The following IRAK3 variants were observed in gnomAD, a reference collection of about 807,000 sequenced individuals.
IRAK3 encodes interleukin 1 receptor associated kinase 3.
In IRAK3, 57 loss-of-function variants were observed where a neutral mutation model predicts 56.6. The observed-to-expected ratio is 1.01, with a 90% CI of 0.81 to 1.26. The LOEUF is 1.26. Among genes scored for constraint, IRAK3 ranks in the 50% most tolerant of loss-of-function variants. The probability of loss-of-function intolerance (pLI) is 0.00; values close to 1 mark genes in which losing one functional copy is unlikely to be tolerated. For synonymous variants in IRAK3, 258 were observed against 255.7 expected, an observed-to-expected ratio of 1.01 and a Z score of -0.09; for missense variants, 703 against 719.0, an observed-to-expected ratio of 0.98 and a Z score of 0.25.
In IRAK3 at chr12:66,250,424, A is replaced by G. The variant is rs1439345230; in HGVS notation, c.*2253A>G. The G allele has an allele frequency of 6.6e-6, 1 of 152,210 alleles. No homozygotes were observed. The highest frequency in any genetic ancestry group is 1.5e-5 in the Non-Finnish European group (1 of 68,038). The allele number at this position is 152,210 out of a possible 1,614,324, so 9.4% of individuals were successfully genotyped here. ...TAACAGACCAAGGTCAGAAACATGG[A>G]GTTACAATTTTCCAAAAAAGCACGA... is the stretch of plus-strand genomic sequence containing the variant. On this transcript the variant is annotated 3_prime_UTR_variant, in exon 12 of 12. Coordinates refer to ENST00000261233, the MANE Select transcript of IRAK3 (RefSeq NM_007199.3).
At chr12:66,217,041 C>T (rs1182459966) in intron 5 of IRAK3, 130 bp from the exon 6 acceptor site, 5 of 735,980 alleles carry the variant, frequency 6.8e-6, no homozygotes, top group Non-Finnish European at 1.2e-5. Flanking sequence ...AATGTCATCT[C>T]CCCAGAAAAG....
intron 8 of IRAK3, among the ~76,000 whole-genome samples, chr12:66,244,215 A>G (rs2053003095): frequency 6.6e-6 from 1 of 152,262 alleles, no homozygotes; most frequent in Admixed American, 6.5e-5. Flanking sequence ...AGAAAGCATC[A>G]GCTTTATCCA....
rs149662082 is a variant in IRAK3 at position 66,245,236 on chromosome 12, G to T, written c.1288G>T (p.Ala430Ser). 6.2e-7 allele frequency: 1 copy of T among 1,614,122 alleles called. No individual in the cohort carries two copies. The highest frequency in any genetic ancestry group is 1.3e-5 in the African/African-American group (1 of 75,012). The change falls in exon 11 of 12, where the codon GCA (alanine) becomes TCA (serine). Residue 430 changes from alanine (A) to serine (S), a missense_variant. Transcript: ENST00000261233. ...CLAGRCAATR[A>S]KLRPSMDEVL... ...GGCAGGCCGGTGTGCTGCAACGCGG[G>T]CAAAGTTAAGACCATCAATGGATGA...
chr12:66,228,261 G>A lies in IRAK3; in HGVS notation c.778G>A (p.Ala260Thr), dbSNP rs757275173. 19 of 1,613,580 alleles carry A rather than the reference G, an allele frequency of 1.2e-5. No individual in the cohort carries two copies. The Admixed American group carries it at 3.2e-4, about 27-fold the overall frequency. ...FDRLQCVGDT[A>T]PLPWHIRIGI... ...GCTGTTGTTGTTTTAGGGTGACACG[G>A]CCCCACTCCCTTGGCACATTCGAAT... is the stretch of plus-strand genomic sequence containing the variant. The change falls in exon 8 of 12, where the codon GCC becomes ACC. Residue 260 changes from alanine to threonine, a missense_variant. Ala to Thr is a moderately conservative substitution (Grantham distance 58, BLOSUM62 0). Coordinates refer to ENST00000261233, the MANE Select transcript of IRAK3 (RefSeq NM_007199.3).
chr12:66,194,166 C>T (rs2052426975), intron 1 of IRAK3, among the ~76,000 whole-genome samples: 1 of 152,160 alleles, frequency 6.6e-6, no homozygotes, highest in Non-Finnish European at 1.5e-5. Flanking sequence ...TTCAGCCTCC[C>T]AAAGTGCTGG....
chr12:66,246,408 C>T (rs1003898815), intron 11 of IRAK3, among the ~76,000 whole-genome samples: 1 of 152,094 alleles, frequency 6.6e-6, no homozygotes, highest in Non-Finnish European at 1.5e-5. Context: ...GGATTTTATC[C>T]TGAGTCTATC....
chr12:66,218,719 C>A (rs896007422), intron 6 of IRAK3, among the ~76,000 whole-genome samples: 1 of 152,096 alleles, frequency 6.6e-6, no homozygotes, highest in African/African-American at 2.4e-5. Context: ...CTAAAGATCA[C>A]CACAATCAAA....
chr12:66,229,276 T>C (rs1441150066), intron 8 of IRAK3, among the ~76,000 whole-genome samples: 3 of 152,220 alleles, frequency 2.0e-5, no homozygotes, highest in Admixed American at 2.0e-4. Flanking sequence ...CCCACATTTC[T>C]TCTTCTAGAC....
intron 8 of IRAK3, among the ~76,000 whole-genome samples, chr12:66,236,262 G>T (rs1377967035): frequency 6.6e-6 from 1 of 151,934 alleles, no homozygotes; most frequent in African/African-American, 2.4e-5. Flanking sequence ...AGAAATCTGG[G>T]TTCAGGCCGG....
chr12:66,211,214 G>C (rs2052608090), intron 4 of IRAK3, among the ~76,000 whole-genome samples: 1 of 152,190 alleles, frequency 6.6e-6, no homozygotes, highest in South Asian at 2.1e-4. Context: ...CTTTTGAGAG[G>C]AGGTAAAAAT....
At chr12:66,236,271 G>A (rs1483723990) in intron 8 of IRAK3, among the ~76,000 whole-genome samples, 1 of 151,914 alleles carries the variant, frequency 6.6e-6, no homozygotes, top group Non-Finnish European at 1.5e-5. Flanking sequence ...GGTTCAGGCC[G>A]GGTGAGGTGG....
intron 1 of IRAK3, among the ~76,000 whole-genome samples, chr12:66,193,368 A>G (rs1030811544): frequency 2.0e-5 from 3 of 152,184 alleles, no homozygotes; most frequent in Non-Finnish European, 2.9e-5. Context: ...AGCAGATAGT[A>G]GGAAGAGTTC....
intron 8 of IRAK3, among the ~76,000 whole-genome samples, chr12:66,233,676 T>A (rs2136943791): frequency 6.6e-6 from 1 of 151,876 alleles, no homozygotes; most frequent in South Asian, 2.1e-4. Context: ...AAAACACAGA[T>A]TAAACACAAA....
intron 1 of IRAK3, chr12:66,197,250 C>A: frequency 8.4e-7 from 1 of 1,193,564 alleles, no homozygotes; most frequent in Admixed American, 4.4e-5. Flanking sequence ...TTAACTTTAT[C>A]AACATAATTA....
chr12:66,234,283 G>C (rs2052878526), intron 8 of IRAK3: 2 of 1,612,872 alleles, frequency 1.2e-6, no homozygotes, highest in Non-Finnish European at 1.7e-6. Context: ...CCAGAGGGCT[G>C]ATCATTGATG....
intron 1 of IRAK3, among the ~76,000 whole-genome samples, chr12:66,194,327 C>T (rs963007308): frequency 6.6e-6 from 1 of 152,088 alleles, no homozygotes; most frequent in Non-Finnish European, 1.5e-5. Context: ...GGTAATATTC[C>T]TCAAAAGGGC....
intron 8 of IRAK3, 102 bp downstream of exon 8, chr12:66,228,472 ATG>A (rs937409691): frequency 6.0e-6 from 5 of 827,884 alleles, no homozygotes; most frequent in African/African-American, 1.7e-5. Flanking sequence ...CCTGGTATGT[ATG>A]TGTGTGTGTT....
chr12:66,211,841 T>C (rs1337332927), intron 5 of IRAK3, among the ~76,000 whole-genome samples: 2 of 152,134 alleles, frequency 1.3e-5, no homozygotes, highest in Non-Finnish European at 2.9e-5. Flanking sequence ...CTGGGTGTGG[T>C]GGTTCACGCC....
In IRAK3 at chr12:66,211,556, G is replaced by A; in HGVS notation, c.547G>A (p.Glu183Lys). ...AGAGATTTTTGAGGTATACAGAGTG[G>A]AGATTCAAAACCTAACATATGCTGT... ...EGEIFEVYRV[E>K]IQNLTYAVKL... is the part of the protein sequence containing the mutation. The change falls in exon 5 of 12, where the codon GAG (glutamate) becomes AAG (lysine). Residue 183 changes from glutamate (E) to lysine (K), a missense_variant. Glu to Lys is a moderately conservative substitution (Grantham distance 56). Coordinates refer to ENST00000261233, the MANE Select transcript of IRAK3 (RefSeq NM_007199.3). The A allele has an allele frequency of 6.2e-7, 1 of 1,612,280 alleles. No homozygotes were observed. The highest frequency in any genetic ancestry group is 1.1e-5 in the South Asian group (1 of 91,004).
Sources: allele counts gnomAD v4.1 joint callset (sites outside exome capture counted in the v4.1 genomes callset), GRCh38; gene constraint gnomAD v4.1.1; transcripts MANE v1.5; gene names NCBI Gene and HGNC (gene_info 2026-07-23, HGNC 2026-07-21).